The following HIPK2 variants were observed in gnomAD, a reference collection of about 807,000 sequenced individuals.
HIPK2 encodes homeodomain interacting protein kinase 2.
A neutral mutation model predicts 113.7 loss-of-function variants in HIPK2; 27 were observed. The ratio of observed to expected loss-of-function variants is 0.24; its 90% CI spans 0.17 to 0.33. HIPK2 has a LOEUF of 0.33. HIPK2 is among the 10% of genes least tolerant of loss of function. HIPK2 has a pLI of 1.00. For synonymous variants in HIPK2, 631 were observed against 642.2 expected (o/e 0.98, Z 0.26); for missense variants, 1,257 against 1,588.0 (o/e 0.79, Z 3.54).
At chr7:139,724,019 T>C (rs111370133) in intron 1 of HIPK2, among the ~76,000 whole-genome samples, 2 of 151,812 alleles carry the variant, frequency 1.3e-5, no homozygotes, top group African/African-American at 4.8e-5. Context: ...TTTTTTTTTT[T>C]CATAATAAAG....
At chr7:139,633,074 C>T (rs1003564745) in intron 2 of HIPK2, among the ~76,000 whole-genome samples, 7 of 116,254 alleles carry the variant, frequency 6.0e-5, no homozygotes, top group Admixed American at 1.2e-4. Context: ...CCAGCCTGGA[C>T]GACAGAAATA....
chr7:139,770,718 C>T (rs1200825502), intron 1 of HIPK2, among the ~76,000 whole-genome samples: 2 of 152,126 alleles, frequency 1.3e-5, no homozygotes, highest in Non-Finnish European at 2.9e-5. Context: ...TTTATAGAGT[C>T]GACAGCATTA....
intron 5 of HIPK2, 82 bp from the exon 6 acceptor site, chr7:139,626,867 A>T: frequency 6.7e-7 from 1 of 1,486,422 alleles, no homozygotes; most frequent in South Asian, 1.2e-5. Context: ...TTTGCCCTGT[A>T]ACTTCCTCCT....
chr7:139,702,521 T>G (rs896422884), intron 2 of HIPK2, among the ~76,000 whole-genome samples: 1 of 152,138 alleles, frequency 6.6e-6, no homozygotes, highest in Non-Finnish European at 1.5e-5. Context: ...AAGGAAGTTC[T>G]CTCCCTGGGG....
chr7:139,620,297 T>C (rs1318699137), intron 7 of HIPK2, 104 bp downstream of exon 7: 3 of 1,472,868 alleles, frequency 2.0e-6, no homozygotes, highest in Non-Finnish European at 2.8e-6. Flanking sequence ...TTGTTGAACA[T>C]GACAGCAGGA....
chr7:139,719,978 C>T (rs1338425809), intron 1 of HIPK2, among the ~76,000 whole-genome samples: 5 of 152,182 alleles, frequency 3.3e-5, no homozygotes, highest in Admixed American at 6.5e-5. Flanking sequence ...TCCACTGGCT[C>T]CTTACTGTCA....
At chr7:139,722,069 A>C (rs767771637) in intron 1 of HIPK2, 1 of 473,694 alleles carries the variant, frequency 2.1e-6, no homozygotes, top group Admixed American at 2.1e-5. Context: ...TCAGATATGC[A>C]TGGGGTTCTT....
At chr7:139,585,287 A>AG (rs1284956866) in intron 12 of HIPK2, among the ~76,000 whole-genome samples, 1 of 152,170 alleles carries the variant, frequency 6.6e-6, no homozygotes, top group African/African-American at 2.4e-5. Context: ...TAGAGGCAGC[A>AG]GGGAAGTGGG....
intron 12 of HIPK2, among the ~76,000 whole-genome samples, chr7:139,593,449 G>A (rs1016319017): frequency 2.0e-5 from 3 of 152,250 alleles, no homozygotes; most frequent in African/African-American, 7.2e-5. Context: ...GCCATCTGCT[G>A]TGCAACCAAC....
At chr7:139,655,830 G>A (rs1219173407) in intron 2 of HIPK2, among the ~76,000 whole-genome samples, 1 of 152,110 alleles carries the variant, frequency 6.6e-6, no homozygotes, top group Non-Finnish European at 1.5e-5. Context: ...AAGGCTCAGG[G>A]TGGGGAGGCA....
intron 2 of HIPK2, among the ~76,000 whole-genome samples, chr7:139,679,534 G>T (rs890237338): frequency 6.6e-6 from 1 of 152,102 alleles, no homozygotes; most frequent in Non-Finnish European, 1.5e-5. Flanking sequence ...ACAACCTATC[G>T]AACTGCCTTT....
intron 2 of HIPK2, among the ~76,000 whole-genome samples, chr7:139,645,609 C>G (rs1173553249): frequency 6.6e-6 from 1 of 152,192 alleles, no homozygotes; most frequent in Non-Finnish European, 1.5e-5. Flanking sequence ...GGAGTAGGCT[C>G]TGATCCTGTA....
intron 7 of HIPK2, among the ~76,000 whole-genome samples, chr7:139,617,049 T>A (rs1165109893): frequency 6.6e-6 from 1 of 152,166 alleles, no homozygotes; most frequent in Non-Finnish European, 1.5e-5. Context: ...GGTTTTCCCC[T>A]AGTTTCGAAC....
intron 1 of HIPK2, among the ~76,000 whole-genome samples, chr7:139,766,301 A>G (rs1164663997): frequency 1.3e-5 from 2 of 152,210 alleles, no homozygotes; most frequent in East Asian, 3.8e-4. Context: ...AGCTGTTATG[A>G]TCATCTTCCC....
chr7:139,585,185 G>A (rs1638196), intron 12 of HIPK2, among the ~76,000 whole-genome samples: 142,458 of 152,320 alleles, frequency 0.94, 66,730 homozygotes, highest in East Asian at 1. Flanking sequence ...TGGTATTTAC[G>A]GAGCCTCATA....
At chr7:139,681,268 T>C (rs1452521609) in intron 2 of HIPK2, among the ~76,000 whole-genome samples, 1 of 152,164 alleles carries the variant, frequency 6.6e-6, no homozygotes, top group East Asian at 1.9e-4. Context: ...CCTGTTTTGA[T>C]AACAGAAGCA....
chr7:139,604,350 G>A (rs1234530815), intron 9 of HIPK2, 127 bp from the exon 10 acceptor site: 2 of 1,364,808 alleles, frequency 1.5e-6, no homozygotes, highest in Non-Finnish European at 2.0e-6. Context: ...TGAGGGCCTG[G>A]TCTCTGGCCT....
At position 139,631,028 on chromosome 7, in the gene HIPK2, C is replaced by G; in HGVS notation, c.1347+137G>C. 8.5e-7 allele frequency: 1 copy of G among 1,172,838 alleles called. No individual in the cohort carries two copies. The highest frequency in any genetic ancestry group is 1.2e-6 in the Non-Finnish European group (1 of 855,622). The allele number at this position is 1,172,838 out of a possible 1,614,324, so 72.7% of individuals were successfully genotyped here. On this transcript the variant is annotated intron_variant, in intron 4 of 14. Transcript: ENST00000406875. This position sits in a 1 kb window ranked among gnomAD's most constrained non-coding sequence, Gnocchi z 4.9. ...GGGGCTTCTGAGCATTCAGATTCAGCCATACCATGTATTAACAACAGCACC... is the reference window on the plus strand; with the variant it reads ...GGGGCTTCTGAGCATTCAGATTCAGGCATACCATGTATTAACAACAGCACC...
intron 12 of HIPK2, among the ~76,000 whole-genome samples, chr7:139,587,431 G>A (rs371935841): frequency 2.1e-5 from 3 of 143,526 alleles, no homozygotes; most frequent in South Asian, 2.3e-4. Flanking sequence ...GGAGTTTGCA[G>A]TGAGCCAAGA....
Sources: allele counts gnomAD v4.1 joint callset (sites outside exome capture counted in the v4.1 genomes callset), GRCh38; gene constraint gnomAD v4.1.1; non-coding constraint Gnocchi (gnomAD v3.1); transcripts MANE v1.5; gene names NCBI Gene and HGNC (gene_info 2026-07-23, HGNC 2026-07-21).